The following MYCBP2 variants were observed in gnomAD, a reference collection of about 807,000 sequenced individuals.
MYCBP2 encodes the protein E3 ubiquitin-protein ligase MYCBP2.
A neutral mutation model predicts 525.3 loss-of-function variants in MYCBP2; 120 were observed. The observed-to-expected ratio is 0.23, with a 90% CI of 0.20 to 0.27. MYCBP2 has a LOEUF of 0.27. Among genes scored for constraint, MYCBP2 ranks in the 10% least tolerant of loss-of-function variants. MYCBP2 has a pLI of 1.00. For missense variants in MYCBP2, 4,149 were observed against 5,657.1 expected, an observed-to-expected ratio of 0.73 and a Z score of 8.55; for synonymous variants, 1,894 against 1,955.8, an observed-to-expected ratio of 0.97 and a Z score of 0.83.
chr13:77,262,213 A>G (rs2073415422), intron 10 of MYCBP2, 84 bp from the exon 11 acceptor site: 4 of 1,104,994 alleles, frequency 3.6e-6, no homozygotes, highest in Non-Finnish European at 1.3e-6. Context: ...AGTGATTGCA[A>G]TGTCAATTCA....
Position 77,140,863 on chromosome 13 carries a change from C to G in MYCBP2, c.7384G>C (p.Glu2462Gln). Residue 2462 changes from glutamate (E) to glutamine (Q), a missense_variant, in exon 50 of 83, where the codon GAA becomes CAA. By Grantham distance (29) the Glu-to-Gln change is conservative (BLOSUM62 2). Around this residue, in one of 21 missense-constraint regions of MYCBP2, gnomAD observed 692 missense variants for 852.7 expected, o/e 0.81. Transcript: ENST00000544440. ...GCCCTAACCTTATTAGGCTGAGGTT[C>G]AGACTTTGGTTTGACCAACTGAGTT... ...PGTQLVKPKS[E>Q]PQPNKVRKFV... The G allele has an allele frequency of 6.2e-7, 1 of 1,611,946 alleles. No homozygotes were observed. The highest frequency in any genetic ancestry group is 8.5e-7 in the Non-Finnish European group (1 of 1,179,344).
intron 4 of MYCBP2, among the ~76,000 whole-genome samples, chr13:77,275,321 G>A (rs2075403522): frequency 6.6e-6 from 1 of 152,184 alleles, no homozygotes; most frequent in Admixed American, 6.5e-5. Flanking sequence ...AGCTCTGCAT[G>A]TCCCTGCCTC....
chr13:77,276,138 T>G (rs1018672625), intron 4 of MYCBP2, among the ~76,000 whole-genome samples: 7 of 152,190 alleles, frequency 4.6e-5, no homozygotes, highest in Non-Finnish European at 8.8e-5. Flanking sequence ...GGGGGTGCTA[T>G]TACATTTCAG....
At position 77,058,115 on chromosome 13, in the gene MYCBP2, C is replaced by T; in HGVS notation, c.13329+103G>A. ...TCGGCCTCCCAAAGTGCTGGGATTA[C>T]AGGCATGAGCCACTGCGCCCGGCCT... On this transcript the variant is annotated intron_variant, in intron 78 of 82. Transcript: ENST00000544440. The surrounding 1 kb of genome is among the most constrained non-coding windows in gnomAD (Gnocchi z 4.1). 1 of 1,302,946 alleles carries T rather than the reference C, an allele frequency of 7.7e-7. No homozygotes were observed. Among genetic ancestry groups the T allele is most frequent in the Non-Finnish European group, 1.1e-6 (1 of 941,188 alleles). The allele number at this position is 1,302,946 out of a possible 1,614,324, so 80.7% of individuals were successfully genotyped here.
At position 77,326,701 on chromosome 13, in the gene MYCBP2, G is replaced by C; in HGVS notation, c.75C>G (p.Ala25=). 1.4e-6 allele frequency: 2 copies of C among 1,437,742 alleles called. No individual in the cohort carries two copies. The highest frequency in any genetic ancestry group is 1.8e-6 in the Non-Finnish European group (2 of 1,105,098). The allele number at this position is 1,437,742 out of a possible 1,614,324, so 89.1% of individuals were successfully genotyped here. A position where few individuals can be genotyped will look rare whatever the true frequency, so the allele number is the denominator to read the frequency against. The stretch of plus-strand genomic sequence containing the variant: ...GCGCCGGGGAGGAAGAGAAGGTGGC[G>C]GCTGGGTAGAATCCGTCCCCGCCGA... ...SGLGGDGFYP[A]ATFSSSPAPG... Residue 25 remains alanine, a synonymous_variant, in exon 1 of 83, where the codon GCC becomes GCG. Coordinates refer to ENST00000544440, the MANE Select transcript of MYCBP2 (RefSeq NM_015057.5). This position sits in a 1 kb window ranked among gnomAD's most constrained non-coding sequence, Gnocchi z 4.2.
intron 14 of MYCBP2, among the ~76,000 whole-genome samples, chr13:77,256,813 G>C (rs2072281245): frequency 6.6e-6 from 1 of 151,068 alleles, no homozygotes; most frequent in Non-Finnish European, 1.5e-5. Flanking sequence ...ACTCTGGAGA[G>C]AACAGTATGG....
chr13:77,067,479 G>C, intron 71 of MYCBP2, 102 bp downstream of exon 71: 4 of 1,195,790 alleles, frequency 3.3e-6, no homozygotes, highest in Non-Finnish European at 4.7e-6. Context: ...GATTTTATTT[G>C]GTGAGTAACC....
intron 17 of MYCBP2, among the ~76,000 whole-genome samples, chr13:77,234,381 T>A (rs908144782): frequency 6.6e-6 from 1 of 152,022 alleles, no homozygotes; most frequent in Non-Finnish European, 1.5e-5. Flanking sequence ...TTAATTTTTC[T>A]AATGATGGGA....
In MYCBP2 at chr13:77,326,566, G is replaced by T; in HGVS notation, c.210C>A (p.Gly70=). The T allele has an allele frequency of 6.3e-7, 1 of 1,598,944 alleles. No individual in the cohort carries two copies. The highest frequency in any genetic ancestry group is 8.5e-7 in the Non-Finnish European group (1 of 1,173,574). The stretch of plus-strand genomic sequence containing the variant: ...TCCGGTAGCGGTCGGCCAGGGCCCG[G>T]CCTGACAGCAGCAGCTGGTAGTGAC... ...SRGHYQLLLS[G]RALADRYRRI... Residue 70 remains glycine (G), a synonymous_variant, in exon 1 of 83, where the codon GGC becomes GGA. Transcript: ENST00000544440. This position sits in a 1 kb window ranked among gnomAD's most constrained non-coding sequence, Gnocchi z 4.2.
intron 82 of MYCBP2, among the ~76,000 whole-genome samples, chr13:77,048,324 A>G (rs1296146937): frequency 6.6e-6 from 1 of 152,208 alleles, no homozygotes; most frequent in Non-Finnish European, 1.5e-5. Context: ...TGGTCTCCAG[A>G]ACTGTGAGAA....
At chr13:77,103,335 A>C (rs1566537948) in intron 55 of MYCBP2, 2 of 397,368 alleles carry the variant, frequency 5.0e-6, no homozygotes, top group African/African-American at 2.1e-5. Context: ...ATTGGCAAAG[A>C]AGCAGCACAG....
In MYCBP2 at chr13:77,101,302, A is replaced by G. The variant is rs2047025575; in HGVS notation, c.8141-2289T>C. On this transcript the variant is annotated intron_variant, in intron 55 of 82. Transcript: ENST00000544440. ...TTGTGTAGGATTTCTAACAAATAGGAAGGGTTCGTGACAAAGATTACCTAC... is the reference window on the plus strand; with the variant it reads ...TTGTGTAGGATTTCTAACAAATAGGGAGGGTTCGTGACAAAGATTACCTAC... 2.6e-5 allele frequency among the ~76,000 whole-genome samples: 4 copies of G among 152,226 alleles called. No homozygotes were observed. In the South Asian group the frequency reaches 6.2e-4, roughly 24 times the overall value.
chr13:77,260,535 C>T lies in MYCBP2; in HGVS notation c.1910G>A (p.Gly637Glu). 6.2e-7 allele frequency: 1 copy of T among 1,610,700 alleles called. No homozygotes were observed. Among genetic ancestry groups the T allele is most frequent in the Non-Finnish European group, 8.5e-7 (1 of 1,178,780 alleles). Residue 637 changes from glycine to glutamate, a missense_variant, in exon 13 of 83, where the codon GGA becomes GAA. Around this residue, in one of 21 missense-constraint regions of MYCBP2, gnomAD observed 262 missense variants for 419.3 expected, o/e 0.62. Transcript: ENST00000544440. ...YKPKKIIKME[G>E]KIVVYTACNN... ...GCAGGCTGTATATACCACAATCTTT[C>T]CTTCCATCTTAATTATCTTTTTAGG...
intron 37 of MYCBP2, among the ~76,000 whole-genome samples, chr13:77,173,705 C>T (rs901342344): frequency 6.6e-6 from 1 of 152,298 alleles, no homozygotes; most frequent in East Asian, 1.9e-4. Flanking sequence ...CCTAAGACGC[C>T]AGCTTTGCCG....
intron 1 of MYCBP2, among the ~76,000 whole-genome samples, chr13:77,307,820 T>C (rs2079657601): frequency 6.6e-6 from 1 of 152,020 alleles, no homozygotes; most frequent in Middle Eastern, 3.2e-3. Context: ...CCTACTTCTT[T>C]ACATCCCTGC....
intron 1 of MYCBP2, among the ~76,000 whole-genome samples, chr13:77,305,892 A>C (rs1295744031): frequency 6.6e-6 from 1 of 152,168 alleles, no homozygotes; most frequent in African/African-American, 2.4e-5. Flanking sequence ...TTAATCTAAT[A>C]CAGATTATCT....
chr13:77,108,779 C>G (rs1224429434), intron 55 of MYCBP2, among the ~76,000 whole-genome samples: 2 of 151,836 alleles, frequency 1.3e-5, no homozygotes, highest in African/African-American at 4.8e-5. Flanking sequence ...TCTCAGCTCA[C>G]TGCAAGCTCT....
chr13:77,107,172 T>G (rs998862172), intron 55 of MYCBP2, among the ~76,000 whole-genome samples: 1 of 152,180 alleles, frequency 6.6e-6, no homozygotes, highest in Non-Finnish European at 1.5e-5. Flanking sequence ...TATTTTTCTC[T>G]GAATAGAACT....
intron 52 of MYCBP2, among the ~76,000 whole-genome samples, chr13:77,134,254 C>T (rs778984808): frequency 6.6e-5 from 10 of 152,044 alleles, no homozygotes; most frequent in Non-Finnish European, 1.3e-4. Context: ...CAGTGGCTCA[C>T]GTCTTTAATC....
Sources: gnomAD v4.1 joint callset for allele counts (sites outside exome capture counted in the v4.1 genomes callset) on GRCh38, gnomAD v4.1.1 for gene constraint, gnomAD v4.1.1 regional missense constraint, Gnocchi (gnomAD v3.1) non-coding constraint, MANE v1.5 for transcripts, NCBI Gene and HGNC (gene_info 2026-07-23, HGNC 2026-07-21) for gene names.